ZNF536: variants seen among roughly 807,000 people sequenced by gnomAD.
The protein encoded by ZNF536 is zinc finger protein 536.
ZNF536 carries 13 observed loss-of-function variants against 84.5 expected under a neutral mutation model. The observed-to-expected ratio is 0.15, with a 90% CI of 0.10 to 0.24. The LOEUF is 0.24. ZNF536 is among the 10% of genes least tolerant of loss of function. The pLI is 1.00. For synonymous variants in ZNF536, 811 were observed against 742.5 expected, an observed-to-expected ratio of 1.09 and a Z score of -1.50; for missense variants, 1,536 against 1,747.5, an observed-to-expected ratio of 0.88 and a Z score of 2.16.
chr19:30,304,426 C>G (rs952251130), intron 2 of ZNF536, among the ~76,000 whole-genome samples: 3 of 152,138 alleles, frequency 2.0e-5, no homozygotes, highest in Non-Finnish European at 2.9e-5. Flanking sequence ...AGTTGTTATC[C>G]CATTCTCCTG....
intron 2 of ZNF536, among the ~76,000 whole-genome samples, chr19:30,447,459 A>G (rs1156436467): frequency 1.3e-5 from 2 of 152,208 alleles, no homozygotes; most frequent in Non-Finnish European, 2.9e-5. Flanking sequence ...CGCTGCTTAA[A>G]TACCCATGAA....
intron 2 of ZNF536, among the ~76,000 whole-genome samples, chr19:30,527,572 C>A (rs1186347018): frequency 1.3e-5 from 2 of 151,492 alleles, no homozygotes; most frequent in African/African-American, 4.9e-5. Context: ...ATATGGCCAC[C>A]ATAAAATTGA....
At chr19:30,659,871 C>T (rs755359330) in intron 1 of ZNF536, among the ~76,000 whole-genome samples, 13 of 151,524 alleles carry the variant, frequency 8.6e-5, no homozygotes, top group African/African-American at 1.2e-4. Context: ...CAAAGTATGG[C>T]CTATAGAGTG....
upstream of ZNF536, among the ~76,000 whole-genome samples, chr19:30,225,737 GGGC>G (rs1177757547): frequency 1.4e-5 from 2 of 144,304 alleles, no homozygotes; most frequent in East Asian, 4.3e-4. Context: ...CGGCGCGGGG[GGGC>G]GGCGGCGGGT....
intron 2 of ZNF536, among the ~76,000 whole-genome samples, chr19:30,316,282 A>G (rs1441939480): frequency 6.6e-6 from 1 of 152,230 alleles, no homozygotes; most frequent in African/African-American, 2.4e-5. Flanking sequence ...AACCTCACCA[A>G]TACTGAATGT....
chr19:30,298,157 T>G (rs1568313495), intron 2 of ZNF536, among the ~76,000 whole-genome samples: 1 of 152,168 alleles, frequency 6.6e-6, no homozygotes, highest in African/African-American at 2.4e-5. Context: ...GGGTTACAGG[T>G]GTGAGCCACC....
intron 1 of ZNF536, among the ~76,000 whole-genome samples, chr19:30,380,033 A>C (rs986397276): frequency 2.6e-5 from 4 of 152,206 alleles, no homozygotes; most frequent in South Asian, 2.1e-4. Flanking sequence ...TTCTGAGCCC[A>C]GGCCACCACC....
chr19:30,297,911 C>CCA (rs1183089007), intron 2 of ZNF536, among the ~76,000 whole-genome samples: 42 of 145,432 alleles, frequency 2.9e-4, no homozygotes, highest in East Asian at 1.4e-3. Context: ...AGTCCCCCCC[C>CCA]CCTCTGTCGC....
At chr19:30,437,879 C>G (rs1297504082) in intron 1 of ZNF536, among the ~76,000 whole-genome samples, 2 of 152,216 alleles carry the variant, frequency 1.3e-5, no homozygotes, top group African/African-American at 2.4e-5. Context: ...TGATCCTCTT[C>G]CTTATAGGTT....
At chr19:30,297,100 C>T (rs550488888) in intron 2 of ZNF536, among the ~76,000 whole-genome samples, 4 of 152,338 alleles carry the variant, frequency 2.6e-5, no homozygotes, top group Non-Finnish European at 4.4e-5. Context: ...ACATCTCCCT[C>T]CTCCTCCAAG....
At chr19:30,470,089 C>G (rs1229201932) in intron 2 of ZNF536, among the ~76,000 whole-genome samples, 1 of 152,202 alleles carries the variant, frequency 6.6e-6, no homozygotes, top group Non-Finnish European at 1.5e-5. Context: ...CAGGTGAGTC[C>G]TGAGGGAGGG....
chr19:30,331,473 G>C (rs947509249), intron 2 of ZNF536, among the ~76,000 whole-genome samples: 1 of 151,926 alleles, frequency 6.6e-6, no homozygotes, highest in African/African-American at 2.4e-5. Context: ...CTTGTAAGGA[G>C]GTCACCAATG....
rs192713149 is a variant in ZNF536 at position 30,475,206 on chromosome 19, G to A, written c.2170+29474G>A. On this transcript the variant is annotated intron_variant, in intron 2 of 4. Coordinates refer to ENST00000355537, the MANE Select transcript of ZNF536 (RefSeq NM_014717.3). Reference sequence around the variant, plus strand: ...AGCGATTCTCCTGCCTCAGCCTCCCGAGTAGCTGGGATTACAGGCATGCAC... The same window carrying A: ...AGCGATTCTCCTGCCTCAGCCTCCCAAGTAGCTGGGATTACAGGCATGCAC... 7.8e-4 allele frequency among the ~76,000 whole-genome samples: 118 copies of A among 152,142 alleles called. 1 individual carries two copies. The highest frequency in any genetic ancestry group is 2.8e-3 in the African/African-American group (116 of 41,496).
rs115810136 is a variant in ZNF536, at chr19:30,546,602, C to T, written c.2324-1341C>T. On this transcript the variant is annotated intron_variant, in intron 3 of 4. Transcript: ENST00000355537. ...CTGGAGAACTGGGACTCATGCCTTC[C>T]GCTGAGACTAGACACAGTGAAATGT... Among the ~76,000 whole-genome samples, 266 of 152,334 alleles carry T rather than the reference C, an allele frequency of 1.7e-3. 4 individuals carry two copies. The highest frequency in any genetic ancestry group is 6.1e-3 in the African/African-American group (252 of 41,580).
chr19:30,284,813 G>A (rs2045573503), intron 2 of ZNF536, among the ~76,000 whole-genome samples: 1 of 152,066 alleles, frequency 6.6e-6, no homozygotes, highest in Non-Finnish European at 1.5e-5. Flanking sequence ...CATAAACCAG[G>A]GAAATTGATA....
chr19:30,288,506 T>G (rs1250126978), intron 2 of ZNF536, among the ~76,000 whole-genome samples: 2 of 152,208 alleles, frequency 1.3e-5, no homozygotes, highest in African/African-American at 4.8e-5. Flanking sequence ...TTACCTCACC[T>G]TGACTTTTAA....
At chr19:30,370,133 C>A (rs1600424321), upstream of ZNF536, among the ~76,000 whole-genome samples, 1 of 152,144 alleles carries the variant, frequency 6.6e-6, no homozygotes, top group East Asian at 1.9e-4. Context: ...TCTGAGATTA[C>A]CAGTTAAACT....
At chr19:30,536,619 C>T (rs528446211) in intron 3 of ZNF536, among the ~76,000 whole-genome samples, 6 of 152,238 alleles carry the variant, frequency 3.9e-5, no homozygotes, top group Admixed American at 3.9e-4. Flanking sequence ...AGAAGAAATG[C>T]TCAAATAAGT....
chr19:30,640,269 G>C (rs2049222799), intron 1 of ZNF536, among the ~76,000 whole-genome samples: 1 of 151,334 alleles, frequency 6.6e-6, no homozygotes, highest in African/African-American at 2.4e-5. Flanking sequence ...AAAAAAATTG[G>C]TTATATACAC....
Sources: gnomAD v4.1 joint callset for allele counts (sites outside exome capture counted in the v4.1 genomes callset) on GRCh38, gnomAD v4.1.1 for gene constraint, MANE v1.5 for transcripts, NCBI Gene and HGNC (gene_info 2026-07-23, HGNC 2026-07-21) for gene names.